The following PADI6 variants were observed in gnomAD, a reference collection of about 807,000 sequenced individuals.
The protein encoded by PADI6 is inactive protein-arginine deiminase type-6.
In PADI6, 66 loss-of-function variants were observed where a neutral mutation model predicts 78.2. That is an observed-to-expected ratio of 0.84 (90% CI 0.69 to 1.04). The LOEUF is 1.04. PADI6 is among the 50% of genes least tolerant of loss of function. The pLI is 0.00. For missense variants in PADI6, 854 were observed against 866.1 expected (o/e 0.99, Z 0.18); for synonymous variants, 397 against 346.9 (o/e 1.14, Z -1.60).
intron 13 of PADI6, among the ~76,000 whole-genome samples, chr1:17,396,129 T>C (rs2075245114): frequency 6.6e-6 from 1 of 152,148 alleles, no homozygotes; most frequent in African/African-American, 2.4e-5. Context: ...CTCACACCTG[T>C]AACCCCAGCA....
chr1:17,381,244 T>C (rs1204898), intron 5 of PADI6, 80 bp downstream of exon 5: 913,488 of 1,222,188 alleles, frequency 0.75, 342,084 homozygotes, highest in East Asian at 0.8. Context: ...TCCAGACTAA[T>C]TTTCTCCACC....
At chr1:17,398,654 G>GCTCCC (rs1553154452) in intron 14 of PADI6, 32 bp from the exon 15 acceptor site, 21 of 177,768 alleles carry the variant, frequency 1.2e-4, no homozygotes, top group Non-Finnish European at 1.8e-4. Flanking sequence ...TTGCTCCCCC[G>GCTCCC]CCCCCCCCCC....
Position 17,388,542 on chromosome 1 carries a change from G to C in PADI6, c.841G>C (p.Glu281Gln). Residue 281 changes from glutamate (E) to glutamine (Q), a missense_variant, in exon 7 of 16, where the codon GAG (glutamate) becomes CAG (glutamine). Coordinates refer to ENST00000619609, the MANE Select transcript of PADI6 (RefSeq NM_207421.4). ...CATCTCCTACTCTGTGTCCCTGGTG[G>C]AGGAGTCTCAAGACCCGGTATGTCC... Reference protein sequence around the residue: ...GLISYSVSLVEESQDPSIPET... With the variant: ...GLISYSVSLVQESQDPSIPET... 1 of 1,612,342 alleles carries C rather than the reference G, an allele frequency of 6.2e-7. No homozygotes were observed. Among genetic ancestry groups the C allele is most frequent in the Non-Finnish European group, 8.5e-7 (1 of 1,178,620 alleles).
chr1:17,387,176 G>GCTCA (rs2075128255), intron 6 of PADI6, among the ~76,000 whole-genome samples: 1 of 152,216 alleles, frequency 6.6e-6, no homozygotes, highest in African/African-American at 2.4e-5. Context: ...GGGCACAGTG[G>GCTCA]CTCACGACTG....
chr1:17,394,671 G>T (rs758006533), intron 11 of PADI6, among the ~76,000 whole-genome samples: 1 of 151,950 alleles, frequency 6.6e-6, no homozygotes, highest in Admixed American at 6.6e-5. Flanking sequence ...GTGAAATTTG[G>T]TCCACCAGGA....
At chr1:17,396,214 C>T (rs2075246040) in intron 13 of PADI6, among the ~76,000 whole-genome samples, 1 of 152,050 alleles carries the variant, frequency 6.6e-6, no homozygotes, top group Non-Finnish European at 1.5e-5. Context: ...GACGAAAGCC[C>T]ATCTCTACTA....
Position 17,373,253 on chromosome 1 carries a change from G to A in PADI6, c.294+20G>A, listed in dbSNP as rs1557594106. 5 of 1,610,598 alleles carry A rather than the reference G, an allele frequency of 3.1e-6. No individual in the cohort carries two copies. The highest frequency in any genetic ancestry group is 4.2e-6 in the Non-Finnish European group (5 of 1,177,450). On this transcript the variant is annotated intron_variant, in intron 2 of 15. Coordinates refer to ENST00000619609, the MANE Select transcript of PADI6 (RefSeq NM_207421.4). Reference sequence around the variant, plus strand: ...GATAAGGTAAGCCTCAGGGGAAGAGGTGAGGGGCATCTCCCGGGGTGGGAC... The same window carrying A: ...GATAAGGTAAGCCTCAGGGGAAGAGATGAGGGGCATCTCCCGGGGTGGGAC...
chr1:17,390,801 T>A (rs1368661725), intron 8 of PADI6, among the ~76,000 whole-genome samples: 1 of 152,140 alleles, frequency 6.6e-6, no homozygotes, highest in Non-Finnish European at 1.5e-5. Flanking sequence ...AGATGTGGTA[T>A]CTCGAGTATT....
At chr1:17,398,026 A>G (rs1430421960) in intron 14 of PADI6, among the ~76,000 whole-genome samples, 5 of 152,204 alleles carry the variant, frequency 3.3e-5, no homozygotes, top group African/African-American at 9.7e-5. Flanking sequence ...GAAGTGAATC[A>G]TTGGCTATAA....
In PADI6 at chr1:17,401,586, C is replaced by A. The variant is rs1469033240; in HGVS notation, c.*148C>A. 8.3e-6 allele frequency: 6 copies of A among 725,286 alleles called. No homozygotes were observed. Among genetic ancestry groups the A allele is most frequent in the Non-Finnish European group, 1.3e-5 (6 of 448,820 alleles). The allele number at this position is 725,286 out of a possible 1,614,324, so 44.9% of individuals were successfully genotyped here. ...CTGTCTGCCCCGACCGACCCTCGGA[C>A]CCAGTAGGATGGCAAATGCCGCCAG... On this transcript the variant is annotated 3_prime_UTR_variant, in exon 16 of 16. Transcript: ENST00000619609.
At chr1:17,392,581 C>T (rs1456471979) in intron 9 of PADI6, among the ~76,000 whole-genome samples, 4 of 152,200 alleles carry the variant, frequency 2.6e-5, no homozygotes, top group Non-Finnish European at 4.4e-5. Context: ...TCTAGAGCCC[C>T]GGTCAGCCTT....
chr1:17,393,985 C>T lies in PADI6; in HGVS notation c.1085C>T (p.Ala362Val), dbSNP rs765300452. Residue 362 changes from alanine to valine, a missense_variant, in exon 10 of 16, where the codon GCC becomes GTC. Physicochemically the swap from Ala to Val is moderately conservative, Grantham distance 64 (BLOSUM62 0). Transcript: ENST00000619609. ...RLGRWLQDEM[A>V]FCYTQAPHKT... ...TCCTCTCCATTCCAGGATGAGATGG[C>T]CTTCTGCTACACCCAGGCTCCCCAC... 1.4e-5 allele frequency: 22 copies of T among 1,613,614 alleles called. 1 individual carries two copies. The Middle Eastern group carries it at 1.2e-3, about 84-fold the overall frequency.
At position 17,388,336 on chromosome 1, in the gene PADI6, A is replaced by C. The variant is rs113064675; in HGVS notation, c.680-45A>C. 658 of 1,532,248 alleles carry C rather than the reference A, an allele frequency of 4.3e-4. 10 individuals carry two copies. The East Asian group carries it at 0.015, about 34-fold the overall frequency. 94.9% of individuals were successfully genotyped at this position (1,532,248 alleles called of 1,614,324 possible). On this transcript the variant is annotated intron_variant, in intron 6 of 15. Transcript: ENST00000619609. ...ACCTTGACCATCAAATGTGACCGGC[A>C]CCAGGTTACTTCAGTGGCTGGTCCA... is the stretch of plus-strand genomic sequence containing the variant.
intron 3 of PADI6, among the ~76,000 whole-genome samples, chr1:17,379,341 C>T (rs995988219): frequency 2.0e-5 from 3 of 150,534 alleles, no homozygotes; most frequent in Non-Finnish European, 2.9e-5. Context: ...GTCTCGATCT[C>T]CTGACCTCGT....
intron 5 of PADI6, 74 bp downstream of exon 5, chr1:17,381,238 G>C: frequency 7.6e-7 from 1 of 1,317,566 alleles, no homozygotes; most frequent in Non-Finnish European, 1.1e-6. Context: ...ATGGATTCCA[G>C]ACTAATTTTC....
chr1:17,383,339 T>C (rs915508527), intron 6 of PADI6, among the ~76,000 whole-genome samples: 1 of 152,204 alleles, frequency 6.6e-6, no homozygotes, highest in Non-Finnish European at 1.5e-5. Context: ...AGCTTGGACG[T>C]GGCCATCTTA....
At chr1:17,392,276 G>A in intron 9 of PADI6, 51 bp downstream of exon 9, 1 of 1,348,416 alleles carries the variant, frequency 7.4e-7, no homozygotes, top group Non-Finnish European at 1.0e-6. Context: ...GGGAGACTCA[G>A]CATGTGCCAC....
intron 6 of PADI6, among the ~76,000 whole-genome samples, chr1:17,382,712 C>T (rs758296469): frequency 1.3e-5 from 2 of 152,322 alleles, no homozygotes; most frequent in South Asian, 4.1e-4. Context: ...CAGGACTTGG[C>T]GTACCTCTAA....
chr1:17,376,686 CTG>C (rs1222878074), intron 3 of PADI6, among the ~76,000 whole-genome samples: 1 of 152,048 alleles, frequency 6.6e-6, no homozygotes, highest in Non-Finnish European at 1.5e-5. Flanking sequence ...GCGTGAGCCA[CTG>C]TGCTGGGCCT....
Sources: gnomAD v4.1 joint callset for allele counts (sites outside exome capture counted in the v4.1 genomes callset) on GRCh38, gnomAD v4.1.1 for gene constraint, MANE v1.5 for transcripts, NCBI Gene and HGNC (gene_info 2026-07-23, HGNC 2026-07-21) for gene names.